Variants in FERMT2 observed in about 807,000 individuals in gnomAD.
FERMT2 encodes fermitin family homolog 2.
Under a neutral mutation model 82.7 loss-of-function variants are expected in FERMT2, and 15 were observed. The ratio of observed to expected loss-of-function variants is 0.18; its 90% CI spans 0.12 to 0.28. The LOEUF is 0.28. Among genes scored for constraint, FERMT2 ranks in the 10% least tolerant of loss-of-function variants. FERMT2 has a pLI of 1.00. For missense variants in FERMT2, 645 were observed against 809.4 expected (o/e 0.80, Z 2.46); for synonymous variants, 274 against 271.5 (o/e 1.01, Z -0.09).
intron 3 of FERMT2, among the ~76,000 whole-genome samples, chr14:52,895,676 A>G (rs1887215930): frequency 6.6e-6 from 1 of 152,198 alleles, no homozygotes; most frequent in African/African-American, 2.4e-5. Flanking sequence ...GAAGTTTGAC[A>G]GGTGACAGAA....
At chr14:52,877,574 C>CTTTTTGTTTTTTTTTTTTTT (rs1886041565) in intron 7 of FERMT2, among the ~76,000 whole-genome samples, 2 of 67,062 alleles carry the variant, frequency 3.0e-5, no homozygotes, top group Non-Finnish European at 5.0e-5. Flanking sequence ...GCTGTTCTTG[C>CTTTTTGTTTTTTTTTTTTTT]TTTTTTTTTT....
At chr14:52,859,501 G>T in intron 14 of FERMT2, 72 bp downstream of exon 14, 1 of 1,293,666 alleles carries the variant, frequency 7.7e-7, no homozygotes. Context: ...GAATTTATAG[G>T]CCTTTTTATT....
At chr14:52,889,962 C>T (rs1032399615) in intron 4 of FERMT2, among the ~76,000 whole-genome samples, 3 of 151,890 alleles carry the variant, frequency 2.0e-5, no homozygotes, top group Admixed American at 1.3e-4. Flanking sequence ...AACCCCATTT[C>T]TACTAAAAAT....
chr14:52,883,864 C>T (rs1886430934), intron 4 of FERMT2, among the ~76,000 whole-genome samples: 1 of 152,150 alleles, frequency 6.6e-6, no homozygotes, highest in Non-Finnish European at 1.5e-5. Flanking sequence ...CCCCTACCTC[C>T]TGTTCCAGCC....
At position 52,949,911 on chromosome 14, in the gene FERMT2, C is replaced by T. The variant is rs181735015; in HGVS notation, c.157+501G>A. ...ACTGGAACATTTTAATGCACTCCAC[C>T]ACGTAGAACAGCCACAGAAACTTCA... On this transcript the variant is annotated intron_variant, in intron 2 of 14. Transcript: ENST00000341590. Among the ~76,000 whole-genome samples the T allele has an allele frequency of 1.0e-3, 159 of 152,268 alleles. 2 individuals are homozygous for T. The highest frequency in any genetic ancestry group is 3.6e-3 in the African/African-American group (149 of 41,560).
chr14:52,897,328 T>C (rs528495969), intron 3 of FERMT2, among the ~76,000 whole-genome samples: 64 of 152,170 alleles, frequency 4.2e-4, no homozygotes, highest in Non-Finnish European at 7.9e-4. Flanking sequence ...CAGAATTCAC[T>C]GGAATAGAAT....
intron 3 of FERMT2, among the ~76,000 whole-genome samples, chr14:52,893,666 C>A (rs571775552): frequency 2.4e-4 from 37 of 151,890 alleles, no homozygotes; most frequent in African/African-American, 8.9e-4. Flanking sequence ...TACTAGGGTA[C>A]GGAAAGAAAA....
rs564979151 is a variant in FERMT2, at chr14:52,914,642, G to A, written c.391+4481C>T. Among the ~76,000 whole-genome samples the A allele has an allele frequency of 4.0e-5, 6 of 151,374 alleles. 1 individual carries two copies. In the South Asian group the frequency reaches 1.1e-3, roughly 27 times the overall value. ...TACATAGAAAATCCAAGAGAAGGCCGGGCATGGTGGCTCATGCCTGCAATC... is the reference window on the plus strand; with the variant it reads ...TACATAGAAAATCCAAGAGAAGGCCAGGCATGGTGGCTCATGCCTGCAATC... On this transcript the variant is annotated intron_variant, in intron 3 of 14. Transcript: ENST00000341590.
intron 2 of FERMT2, chr14:52,927,978 G>A (rs1413347434): frequency 2.7e-6 from 1 of 370,508 alleles, no homozygotes; most frequent in Middle Eastern, 4.1e-4. Context: ...GAAAAATGAA[G>A]TAATTCTTTT....
intron 4 of FERMT2, among the ~76,000 whole-genome samples, chr14:52,884,358 T>C (rs1420461686): frequency 6.6e-6 from 1 of 152,168 alleles, no homozygotes; most frequent in East Asian, 1.9e-4. Context: ...TCCCAGCACT[T>C]TGGGAAGCCA....
chr14:52,861,918 A>G (rs921554842), intron 12 of FERMT2: 2 of 152,226 alleles, frequency 1.3e-5, no homozygotes, highest in African/African-American at 2.4e-5. Flanking sequence ...TACAGCCTCC[A>G]GAACGCAACT....
chr14:52,877,939 T>C (rs1319163386), intron 7 of FERMT2, among the ~76,000 whole-genome samples: 1 of 152,156 alleles, frequency 6.6e-6, no homozygotes, highest in Non-Finnish European at 1.5e-5. Context: ...TGTAAGAATG[T>C]GGATGTGTGG....
intron 2 of FERMT2, among the ~76,000 whole-genome samples, chr14:52,937,106 G>A (rs1192321974): frequency 1.3e-5 from 2 of 152,096 alleles, no homozygotes; most frequent in Non-Finnish European, 2.9e-5. Flanking sequence ...AGGTTGCAGT[G>A]AGCTTAGATC....
chr14:52,905,866 A>G (rs1887976553), intron 3 of FERMT2, among the ~76,000 whole-genome samples: 1 of 152,240 alleles, frequency 6.6e-6, no homozygotes, highest in Admixed American at 6.5e-5. Context: ...TGCTTCAGTG[A>G]GCATATGATG....
Position 52,860,410 on chromosome 14 carries a change from T to C in FERMT2, c.1658A>G (p.Glu553Gly). 1 of 1,613,724 alleles carries C rather than the reference T, an allele frequency of 6.2e-7. No homozygotes were observed. Among genetic ancestry groups the C allele is most frequent in the Non-Finnish European group, 8.5e-7 (1 of 1,179,680 alleles). The change falls in exon 13 of 15, where the codon GAA becomes GGA. Residue 553 changes from glutamate (E) to glycine (G), a missense_variant. Coordinates refer to ENST00000341590, the MANE Select transcript of FERMT2 (RefSeq NM_006832.3). ...HQNVAQMSLI[E>G]AKMRFIQAWQ... ...AGCTTGAATAAATCTCATCTTGGCT[T>C]CAATTAGACTCATCTGAGCTACATT...
intron 6 of FERMT2, among the ~76,000 whole-genome samples, chr14:52,879,917 TA>T (rs1886191710): frequency 6.6e-6 from 1 of 152,140 alleles, no homozygotes; most frequent in South Asian, 2.1e-4. Flanking sequence ...CCAATCATAG[TA>T]AAGACAAGTA....
At chr14:52,884,596 C>T (rs1326084452) in intron 4 of FERMT2, among the ~76,000 whole-genome samples, 4 of 151,056 alleles carry the variant, frequency 2.6e-5, no homozygotes, top group Non-Finnish European at 5.9e-5. Flanking sequence ...AGCGAAACTC[C>T]GTCTCAAAAA....
chr14:52,867,973 A>C (rs890268677), intron 10 of FERMT2, among the ~76,000 whole-genome samples: 1 of 151,254 alleles, frequency 6.6e-6, no homozygotes, highest in Non-Finnish European at 1.5e-5. Context: ...CTCTAAAATG[A>C]CTCCTCTGCA....
intron 3 of FERMT2, among the ~76,000 whole-genome samples, chr14:52,915,107 CTTT>C (rs1278537629): frequency 6.6e-6 from 1 of 152,108 alleles, no homozygotes; most frequent in African/African-American, 2.4e-5. Context: ...TGGAAGAAAA[CTTT>C]TTTTAAAAAG....
Sources: gnomAD v4.1 joint callset for allele counts (sites outside exome capture counted in the v4.1 genomes callset) on GRCh38, gnomAD v4.1.1 for gene constraint, MANE v1.5 for transcripts, NCBI Gene and HGNC (gene_info 2026-07-23, HGNC 2026-07-21) for gene names.